DCHS1: variants seen among roughly 807,000 people sequenced by gnomAD.
DCHS1 encodes dachsous cadherin-related 1, also known as protocadherin-16.
DCHS1 carries 78 observed loss-of-function variants against 213.9 expected under a neutral mutation model. That is an observed-to-expected ratio of 0.36 (90% confidence interval 0.30 to 0.44). DCHS1 has a LOEUF of 0.44. Among genes scored for constraint, DCHS1 ranks in the 20% least tolerant of loss-of-function variants. DCHS1 has a pLI of 1.00. For synonymous variants in DCHS1, 1,828 were observed against 1,873.7 expected (o/e 0.98, Z 0.63); for missense variants, 3,946 against 4,395.9 (o/e 0.90, Z 2.89).
Position 6,624,032 on chromosome 11 carries a change from G to C in DCHS1, c.7644C>G (p.Pro2548=). The stretch of plus-strand genomic sequence containing the variant: ...GCAACACCAGGCAGCCCAGTGCCCG[G>C]GGGCCTGGTCCAGCACTCTCCCCAG... The part of the protein sequence containing the change: ...AEAGESAGPG[P]RALGCLVLLE... Residue 2548 remains proline, a synonymous_variant, in exon 21 of 21, where the codon CCC becomes CCG. Coordinates refer to ENST00000299441, the MANE Select transcript of DCHS1 (RefSeq NM_003737.4). 2 of 1,613,558 alleles carry C rather than the reference G, an allele frequency of 1.2e-6. No homozygotes were observed. The highest frequency in any genetic ancestry group is 1.7e-6 in the Non-Finnish European group (2 of 1,179,838).
chr11:6,642,994 G>A (rs1350933404), intron 1 of DCHS1, among the ~76,000 whole-genome samples: 4 of 152,166 alleles, frequency 2.6e-5, no homozygotes, highest in African/African-American at 4.8e-5. Flanking sequence ...ACTGTTTGAA[G>A]TGAGGGGAAG....
At chr11:6,633,743 G>A in intron 4 of DCHS1, 46 bp downstream of exon 4, 1 of 1,599,622 alleles carries the variant, frequency 6.3e-7, no homozygotes, top group Non-Finnish European at 8.5e-7. Flanking sequence ...TAGGCAGGTG[G>A]GGAGGGGGAC....
rs200440963 is a variant in DCHS1 at position 6,632,036 on chromosome 11, T to C, written c.3476A>G (p.Gln1159Arg). 2 of 1,511,938 alleles carry C rather than the reference T, an allele frequency of 1.3e-6. No homozygotes were observed. The highest frequency in any genetic ancestry group is 2.6e-5 in the South Asian group (2 of 75,818). The allele number at this position is 1,511,938 out of a possible 1,614,324, so 93.7% of individuals were successfully genotyped here. A position where few individuals can be genotyped will look rare whatever the true frequency, so the allele number is the denominator to read the frequency against. Residue 1159 changes from glutamine (Q) to arginine (R), a missense_variant, in exon 6 of 21, where the codon CAG (glutamine) becomes CGG (arginine). By Grantham distance (43) the Gln-to-Arg change is conservative (BLOSUM62 1). Transcript: ENST00000299441. The surrounding 1 kb of genome is among the most constrained non-coding windows in gnomAD (Gnocchi z 5.9). ...ATTTGGGTCTCTGTGCTCACCAGTC[T>C]GGGGGTGGATGCGGAAGGCCTTGCT... ...EDSKAFRIHP[Q>R]TGEVTTLQTL...
At chr11:6,638,743 G>A (rs1287155568) in intron 2 of DCHS1, among the ~76,000 whole-genome samples, 1 of 152,134 alleles carries the variant, frequency 6.6e-6, no homozygotes, top group Non-Finnish European at 1.5e-5. Flanking sequence ...ACAGTGCTAG[G>A]CTTACAGTAG....
chr11:6,623,833 T>C lies in DCHS1; in HGVS notation c.7843A>G (p.Thr2615Ala), dbSNP rs748254730. The change falls in exon 21 of 21, where the codon ACA becomes GCA. Residue 2615 changes from threonine (T) to alanine (A), a missense_variant. Coordinates refer to ENST00000299441, the MANE Select transcript of DCHS1 (RefSeq NM_003737.4). ...TGCAGCAGCTCAGCTCCAACAGGTG[T>C]GTCCTCAGGTACTGTCACACGGTAG... ...ASYRVTVPED[T>A]PVGAELLHVE... 9 of 1,613,296 alleles carry C rather than the reference T, an allele frequency of 5.6e-6. No homozygotes were observed. The Admixed American group carries it at 8.3e-5, about 15-fold the overall frequency.
Position 6,629,712 on chromosome 11 carries a change from G to C in DCHS1, c.4995C>G (p.Gly1665=). The change falls in exon 11 of 21, where the codon GGC becomes GGG. Residue 1665 remains glycine, a synonymous_variant. Transcript: ENST00000299441. The stretch of plus-strand genomic sequence containing the variant: ...TTGCTCGCAGGGTGAGCAGAGATGT[G>C]CCAGGAGGGTTGTTCTCACGCAAGA... ...SVLLRENNPP[G]TSLLTLRATD... 1 of 1,613,842 alleles carries C rather than the reference G, an allele frequency of 6.2e-7. No individual in the cohort carries two copies. Among genetic ancestry groups the C allele is most frequent in the Non-Finnish European group, 8.5e-7 (1 of 1,179,842 alleles).
Position 6,627,522 on chromosome 11 carries a change from C to A in DCHS1, c.5517G>T (p.Leu1839=). The change falls in exon 14 of 21, where the codon CTG becomes CTT. Residue 1839 remains leucine (L), a synonymous_variant. Coordinates refer to ENST00000299441, the MANE Select transcript of DCHS1 (RefSeq NM_003737.4). The surrounding 1 kb of genome is among the most constrained non-coding windows in gnomAD (Gnocchi z 5.4). The part of the protein sequence containing the change: ...DGGQPALSAT[L]LLTVTVLDAN... ...CATCCAGCACTGTCACTGTCAAAAG[C>A]AGCGTGGCACTGAGAGCTGGCTGGC... The A allele has an allele frequency of 6.2e-7, 1 of 1,612,404 alleles. No homozygotes were observed. The highest frequency in any genetic ancestry group is 8.5e-7 in the Non-Finnish European group (1 of 1,179,410).
chr11:6,624,967 T>C, intron 19 of DCHS1, 99 bp from the exon 20 acceptor site: 5 of 1,536,762 alleles, frequency 3.3e-6, no homozygotes, highest in Non-Finnish European at 4.4e-6. Flanking sequence ...CTGCTTGGCG[T>C]CTATTCCAAC....
rs757520021 is a variant in DCHS1, at chr11:6,631,306, C to A, written c.3772+5G>T. On this transcript the variant is annotated splice_donor_5th_base_variant and intron_variant, in intron 8 of 20. Coordinates refer to ENST00000299441, the MANE Select transcript of DCHS1 (RefSeq NM_003737.4). Reference sequence around the variant, plus strand: ...CCACCAATTCTCCTCTCTCCACTCCCATACCAGTTAGCGTGTACAAGATGG... The same window carrying A: ...CCACCAATTCTCCTCTCTCCACTCCAATACCAGTTAGCGTGTACAAGATGG... The A allele has an allele frequency of 6.2e-7, 1 of 1,614,002 alleles. No homozygotes were observed. The highest frequency in any genetic ancestry group is 1.3e-5 in the African/African-American group (1 of 75,034).
chr11:6,626,535 C>T lies in DCHS1; in HGVS notation c.6364+17G>A. 6.2e-7 allele frequency: 1 copy of T among 1,613,294 alleles called. No homozygotes were observed. Among genetic ancestry groups the T allele is most frequent in the Non-Finnish European group, 8.5e-7 (1 of 1,179,268 alleles). On this transcript the variant is annotated intron_variant, in intron 15 of 20. Coordinates refer to ENST00000299441, the MANE Select transcript of DCHS1 (RefSeq NM_003737.4). This position sits in a 1 kb window ranked among gnomAD's most constrained non-coding sequence, Gnocchi z 5.2. ...CAGTAGCCTGTCCTGCACAGAGCCCCTGCTCCTATTTCTTACCTGTACTAG... is the reference window on the plus strand; with the variant it reads ...CAGTAGCCTGTCCTGCACAGAGCCCTTGCTCCTATTTCTTACCTGTACTAG...
Position 6,641,867 on chromosome 11 carries a change from G to A in DCHS1, c.-120-134C>T. On this transcript the variant is annotated intron_variant, in intron 1 of 20. Transcript: ENST00000299441. This position sits in a 1 kb window ranked among gnomAD's most constrained non-coding sequence, Gnocchi z 7.1. ...CTTGTGCTGCCTCACACTCATCTTG[G>A]GCCACACGGATCTCTGCCTCAGGAC... 5.4e-6 allele frequency: 4 copies of A among 740,426 alleles called. No individual in the cohort carries two copies. Among genetic ancestry groups the A allele is most frequent in the Non-Finnish European group, 8.2e-6 (4 of 488,144 alleles). 45.9% of individuals were successfully genotyped at this position (740,426 alleles called of 1,614,324 possible).
intron 1 of DCHS1, among the ~76,000 whole-genome samples, chr11:6,643,260 G>T (rs1856108115): frequency 6.6e-6 from 1 of 152,178 alleles, no homozygotes; most frequent in South Asian, 2.1e-4. Flanking sequence ...GTAGTCACCA[G>T]AGGAAAGAGG....
chr11:6,625,622 T>A lies in DCHS1; in HGVS notation c.6837A>T (p.Gln2279His). Reference sequence around the variant, plus strand: ...CTTCTGACACTCGGAGCTCCCAGGGTTGGGGGATGGTGGGGCGATTGTCAT... The same window carrying A: ...CTTCTGACACTCGGAGCTCCCAGGGATGGGGGATGGTGGGGCGATTGTCAT... Reference protein sequence around the residue: ...DTNDNRPTIPQPWELRVSEDA... With the variant: ...DTNDNRPTIPHPWELRVSEDA... Residue 2279 changes from glutamine (Q) to histidine (H), a missense_variant, in exon 18 of 21, where the codon CAA (glutamine) becomes CAT (histidine). This residue lies in a region of DCHS1 where 3,384 missense variants were observed against 3,780.1 expected (regional missense o/e 0.90). Transcript: ENST00000299441. This position sits in a 1 kb window ranked among gnomAD's most constrained non-coding sequence, Gnocchi z 5.3. 1 of 1,613,278 alleles carries A rather than the reference T, an allele frequency of 6.2e-7. No homozygotes were observed. The highest frequency in any genetic ancestry group is 1.3e-5 in the African/African-American group (1 of 74,884).
rs1273970134 is a variant in DCHS1 at position 6,624,731 on chromosome 11, A to G, written c.7284T>C (p.Asn2428=). The G allele has an allele frequency of 6.2e-7, 1 of 1,613,848 alleles. No homozygotes were observed. Among genetic ancestry groups the G allele is most frequent in the African/African-American group, 1.3e-5 (1 of 74,938 alleles). ...PADGFSVDPN[N]GTLFTIVGTV... ...GGGCAGATCCTGGGAAAGACGCACCATTGTTGGGGTCAACACTGAAGCCAT... is the reference window on the plus strand; with the variant it reads ...GGGCAGATCCTGGGAAAGACGCACCGTTGTTGGGGTCAACACTGAAGCCAT... Residue 2428 remains asparagine (N), a splice_region_variant and synonymous_variant, in exon 20 of 21, where the codon AAT becomes AAC. Transcript: ENST00000299441.
chr11:6,627,352 G>C lies in DCHS1; in HGVS notation c.5687C>G (p.Ala1896Gly). 6.2e-7 allele frequency: 1 copy of C among 1,608,070 alleles called. No homozygotes were observed. The highest frequency in any genetic ancestry group is 8.5e-7 in the Non-Finnish European group (1 of 1,177,346). ...ANGHVTYYLG[A>G]GTAGAFLLEP... Reference sequence around the variant, plus strand: ...CAGCAGGAAGGCTCCTGCTGTACCGGCGCCCAGGTAGTAGGTCACATGGCC... The same window carrying C: ...CAGCAGGAAGGCTCCTGCTGTACCGCCGCCCAGGTAGTAGGTCACATGGCC... The change falls in exon 14 of 21, where the codon GCC (alanine) becomes GGC (glycine). Residue 1896 changes from alanine (A) to glycine (G), a missense_variant. Coordinates refer to ENST00000299441, the MANE Select transcript of DCHS1 (RefSeq NM_003737.4). The surrounding 1 kb of genome is among the most constrained non-coding windows in gnomAD (Gnocchi z 5.4).
At chr11:6,631,470 C>T in intron 7 of DCHS1, 63 bp from the exon 8 acceptor site, 1 of 1,607,680 alleles carries the variant, frequency 6.2e-7, no homozygotes, top group Non-Finnish European at 8.5e-7. Context: ...CAGGATAAAG[C>T]TTCCCTCACC....
rs1435488951 is a variant in DCHS1, at chr11:6,640,884, T to C, written c.730A>G (p.Thr244Ala). Residue 244 changes from threonine to alanine, a missense_variant, in exon 2 of 21, where the codon ACA (threonine) becomes GCA (alanine). By Grantham distance (58) the Thr-to-Ala change is moderately conservative. Transcript: ENST00000299441. The surrounding 1 kb of genome is among the most constrained non-coding windows in gnomAD (Gnocchi z 6.5). ...GCATGGTCATTGATGTCCAGCAGTG[T>C]CACGTCCAGCAGGGCCTGGGCCCTC... is the stretch of plus-strand genomic sequence containing the variant. The part of the protein sequence containing the change: ...PRRAQALLDV[T>A]LLDINDHAPA... The C allele has an allele frequency of 1.9e-6, 3 of 1,614,014 alleles. No homozygotes were observed. In the South Asian group the frequency reaches 3.3e-5, roughly 18 times the overall value.
Position 6,640,018 on chromosome 11 carries a change from C to T in DCHS1, c.1596G>A (p.Thr532=), listed in dbSNP as rs961938907. ...CCAACTCATAGTCCAGTGAGGCAGC[C>T]GTAGTGATAATGCCTGAGGTGGGGT... ...SIDPTSGIIT[T]AASLDYELEP... Residue 532 remains threonine (T), a synonymous_variant, in exon 2 of 21, where the codon ACG becomes ACA. Transcript: ENST00000299441. The surrounding 1 kb of genome is among the most constrained non-coding windows in gnomAD (Gnocchi z 6.5). 37 of 1,613,758 alleles carry T rather than the reference C, an allele frequency of 2.3e-5. No homozygotes were observed. The highest frequency in any genetic ancestry group is 1.6e-4 in the Middle Eastern group (1 of 6,084).
intron 2 of DCHS1, 72 bp downstream of exon 2, chr11:6,639,745 T>G: frequency 7.5e-7 from 1 of 1,333,028 alleles, no homozygotes; most frequent in Non-Finnish European, 1.0e-6. Flanking sequence ...TAAGGCTTGG[T>G]TCCTGCTCTG....
Sources: gnomAD v4.1 joint callset for allele counts (sites outside exome capture counted in the v4.1 genomes callset) on GRCh38, gnomAD v4.1.1 for gene constraint, gnomAD v4.1.1 regional missense constraint, Gnocchi (gnomAD v3.1) non-coding constraint, MANE v1.5 for transcripts, NCBI Gene and HGNC (gene_info 2026-07-23, HGNC 2026-07-21) for gene names.